PGM1: variants seen among roughly 807,000 people sequenced by gnomAD.
PGM1 encodes phosphoglucomutase-1.
Under a neutral mutation model 55.6 loss-of-function variants are expected in PGM1, and 52 were observed. The ratio of observed to expected loss-of-function variants is 0.94; its 90% CI spans 0.75 to 1.18. The LOEUF is 1.18. Among genes scored for constraint, PGM1 ranks in the 50% most tolerant of loss-of-function variants. The probability of loss-of-function intolerance (pLI) is 0.00; values close to 1 mark genes in which losing one functional copy is unlikely to be tolerated. For synonymous variants in PGM1, 287 were observed against 271.7 expected (o/e 1.06, Z -0.55); for missense variants, 724 against 729.3 (o/e 0.99, Z 0.08).
chr1:63,617,113 A>G (rs1207257289), intron 1 of PGM1, among the ~76,000 whole-genome samples: 1 of 152,222 alleles, frequency 6.6e-6, no homozygotes, highest in Non-Finnish European at 1.5e-5. Flanking sequence ...CAAAGAGCCT[A>G]CATCCCTTGC....
At chr1:63,631,244 A>G (rs1649184942) in intron 3 of PGM1, among the ~76,000 whole-genome samples, 1 of 152,230 alleles carries the variant, frequency 6.6e-6, no homozygotes. Flanking sequence ...AAAAGGAAAG[A>G]AAAGTGGGGA....
intron 1 of PGM1, among the ~76,000 whole-genome samples, chr1:63,612,669 T>C (rs1325327925): frequency 6.6e-6 from 1 of 152,226 alleles, no homozygotes; most frequent in African/African-American, 2.4e-5. Context: ...GAAGCAATTA[T>C]AAGCTTTCAG....
chr1:63,611,119 G>A (rs1648553102), intron 1 of PGM1, among the ~76,000 whole-genome samples: 1 of 152,188 alleles, frequency 6.6e-6, no homozygotes, highest in Non-Finnish European at 1.5e-5. Context: ...GCATAAAACG[G>A]TCTCCGCAAG....
At chr1:63,624,291 G>A (rs550462928) in intron 1 of PGM1, among the ~76,000 whole-genome samples, 1 of 152,230 alleles carries the variant, frequency 6.6e-6, no homozygotes, top group South Asian at 2.1e-4. Flanking sequence ...CTTTTGAGGG[G>A]ACCTGTTACA....
chr1:63,598,084 C>T (rs568881357), intron 1 of PGM1, among the ~76,000 whole-genome samples: 27 of 152,278 alleles, frequency 1.8e-4, no homozygotes, highest in African/African-American at 6.0e-4. Flanking sequence ...GATTCTCCCA[C>T]CTCAGCCTCC....
At chr1:63,603,658 A>G (rs757922638) in intron 1 of PGM1, among the ~76,000 whole-genome samples, 13 of 152,222 alleles carry the variant, frequency 8.5e-5, no homozygotes, top group Admixed American at 1.3e-4. Context: ...GATGGGTTCT[A>G]GAGTTCGAGT....
At chr1:63,609,965 A>T (rs1438281651) in intron 1 of PGM1, among the ~76,000 whole-genome samples, 1 of 152,236 alleles carries the variant, frequency 6.6e-6, no homozygotes, top group Non-Finnish European at 1.5e-5. Context: ...AAGTCAGACC[A>T]CTTGGTGGCT....
intron 1 of PGM1, among the ~76,000 whole-genome samples, chr1:63,627,884 G>A (rs1649079260): frequency 2.0e-5 from 3 of 152,170 alleles, no homozygotes; most frequent in Admixed American, 2.0e-4. Context: ...CTGCTGGAAG[G>A]TGAAATGTCA....
At chr1:63,652,928 G>A (rs539797798) in intron 9 of PGM1, among the ~76,000 whole-genome samples, 1 of 152,340 alleles carries the variant, frequency 6.6e-6, no homozygotes, top group South Asian at 2.1e-4. Flanking sequence ...AATTAGAAGA[G>A]AGACCTGTGG....
At chr1:63,623,295 A>C in intron 1 of PGM1, 1 of 1,450,848 alleles carries the variant, frequency 6.9e-7, no homozygotes, top group Non-Finnish European at 9.0e-7. Flanking sequence ...GGACAACAAC[A>C]ACAAGGAATT....
intron 1 of PGM1, among the ~76,000 whole-genome samples, chr1:63,627,914 T>C (rs760881518): frequency 3.3e-5 from 5 of 152,086 alleles, no homozygotes; most frequent in Non-Finnish European, 5.9e-5. Flanking sequence ...GTCAGGACGT[T>C]TCAATACTTT....
At chr1:63,601,758 A>T (rs576884868) in intron 1 of PGM1, among the ~76,000 whole-genome samples, 1 of 152,296 alleles carries the variant, frequency 6.6e-6, no homozygotes, top group African/African-American at 2.4e-5. Context: ...ACGCGGATGG[A>T]TGTAAGCTGG....
rs1418424055 is a variant in PGM1 at position 63,636,313 on chromosome 1, T to C, written c.953T>C (p.Phe318Ser). ...GTGGCTGTCATTGCTGCCAACATCTTCAGCATTCCGTATTTCCAGCAGACT... is the reference window on the plus strand; with the variant it reads ...GTGGCTGTCATTGCTGCCAACATCTCCAGCATTCCGTATTTCCAGCAGACT... ...DSVAVIAANI[F>S]SIPYFQQTGV... The change falls in exon 6 of 11, where the codon TTC (phenylalanine) becomes TCC (serine). Residue 318 changes from phenylalanine to serine, a missense_variant. Transcript: ENST00000371084. The C allele has an allele frequency of 6.2e-7, 1 of 1,614,126 alleles. No homozygotes were observed. The highest frequency in any genetic ancestry group is 1.3e-5 in the African/African-American group (1 of 75,060).
chr1:63,635,052 G>T, intron 5 of PGM1, 33 bp downstream of exon 5: 2 of 1,580,638 alleles, frequency 1.3e-6, no homozygotes, highest in Non-Finnish European at 1.7e-6. Flanking sequence ...GAACTCTGGT[G>T]CAGGCCAGGC....
intron 2 of PGM1, 96 bp downstream of exon 2, chr1:63,629,683 C>CT: frequency 7.9e-7 from 1 of 1,260,346 alleles, no homozygotes; most frequent in Non-Finnish European, 1.1e-6. Flanking sequence ...GGTTCTGATC[C>CT]TTTGCAGGGG....
chr1:63,598,531 T>C (rs1325165005), intron 1 of PGM1, among the ~76,000 whole-genome samples: 1 of 152,202 alleles, frequency 6.6e-6, no homozygotes, highest in African/African-American at 2.4e-5. Flanking sequence ...TATGAAAATA[T>C]AATTTTTATT....
chr1:63,628,907 G>C (rs1048907853), intron 1 of PGM1, among the ~76,000 whole-genome samples: 7 of 152,142 alleles, frequency 4.6e-5, no homozygotes, highest in African/African-American at 1.4e-4. Flanking sequence ...AGCCAAGCTT[G>C]ACTGGAAAGA....
intron 1 of PGM1, among the ~76,000 whole-genome samples, chr1:63,594,331 C>T (rs181686014): frequency 1.6e-3 from 239 of 152,294 alleles, no homozygotes; most frequent in Non-Finnish European, 1.4e-3. Context: ...TCTTTTCTCC[C>T]CGCCCCCTAG....
chr1:63,635,737 A>G (rs11208256), intron 5 of PGM1, among the ~76,000 whole-genome samples: 2,842 of 152,346 alleles, frequency 0.019, 72 homozygotes, highest in African/African-American at 0.064. Flanking sequence ...TCCAGCAGAC[A>G]TTATTCTGTA....
Sources: gnomAD v4.1 joint callset for allele counts (sites outside exome capture counted in the v4.1 genomes callset) on GRCh38, gnomAD v4.1.1 for gene constraint, MANE v1.5 for transcripts, NCBI Gene and HGNC (gene_info 2026-07-23, HGNC 2026-07-21) for gene names.